Variants in PPTC7 observed in about 807,000 individuals in gnomAD.
PPTC7 encodes the protein protein phosphatase targeting COQ7, also known as protein phosphatase PTC7 homolog.
A neutral mutation model predicts 30.8 loss-of-function variants in PPTC7; 6 were observed. That is an observed-to-expected ratio of 0.19 (90% confidence interval 0.11 to 0.38). The LOEUF is 0.38. PPTC7 is among the 10% of genes least tolerant of loss of function. The probability of loss-of-function intolerance (pLI) is 1.00; values close to 1 mark genes in which losing one functional copy is unlikely to be tolerated. For missense variants in PPTC7, 218 were observed against 404.8 expected (o/e 0.54, Z 3.96); for synonymous variants, 163 against 168.1 (o/e 0.97, Z 0.23).
At chr12:110,575,607 CAA>C (rs55831249) in intron 1 of PPTC7, among the ~76,000 whole-genome samples, 3,600 of 25,784 alleles carry the variant, frequency 0.14, 12 homozygotes, top group Middle Eastern at 0.18. Flanking sequence ...AACCCCACCT[CAA>C]AAAAAAAAAA....
rs560773522 is a variant in PPTC7, at chr12:110,580,917, A to C, written c.223+1892T>G. Among the ~76,000 whole-genome samples, 3 of 151,900 alleles carry C rather than the reference A, an allele frequency of 2.0e-5. No homozygotes were observed. The South Asian group carries it at 6.2e-4, about 32-fold the overall frequency. On this transcript the variant is annotated intron_variant, in intron 1 of 5. Coordinates refer to ENST00000354300, the MANE Select transcript of PPTC7 (RefSeq NM_139283.2). The stretch of plus-strand genomic sequence containing the variant: ...TAGGCATGCGCCATCACGCCCGGCT[A>C]ATTTTTGTATTTTTAGTAAAGACTG...
intron 1 of PPTC7, among the ~76,000 whole-genome samples, chr12:110,570,507 C>T (rs2135790493): frequency 4.7e-5 from 1 of 21,278 alleles, no homozygotes; most frequent in South Asian, 9.5e-4. Context: ...ATGCCTCTTG[C>T]AGTTGAGACA....
intron 3 of PPTC7, among the ~76,000 whole-genome samples, chr12:110,543,448 G>A (rs1350052043): frequency 2.7e-5 from 4 of 150,796 alleles, no homozygotes; most frequent in African/African-American, 9.7e-5. Context: ...AAAAAAAAAA[G>A]GGAAAAAGAC....
At chr12:110,565,518 G>A (rs2064476644) in intron 1 of PPTC7, among the ~76,000 whole-genome samples, 1 of 152,202 alleles carries the variant, frequency 6.6e-6, no homozygotes. Flanking sequence ...GCCTCCCAAA[G>A]TGCTGGGATT....
At chr12:110,563,043 T>C (rs1418646127) in intron 1 of PPTC7, among the ~76,000 whole-genome samples, 7 of 130,980 alleles carry the variant, frequency 5.3e-5, no homozygotes, top group Non-Finnish European at 9.2e-5. Flanking sequence ...TGCCTGAACC[T>C]GGGAGGCAGA....
At position 110,535,424 on chromosome 12, in the gene PPTC7, A is replaced by T. The variant is rs1159777118; in HGVS notation, c.*1613T>A. The stretch of plus-strand genomic sequence containing the variant: ...GCATTGAAATATAGTAATGACATGT[A>T]CATGGTACATGTTAAACAATTTTAA... On this transcript the variant is annotated 3_prime_UTR_variant, in exon 6 of 6. Transcript: ENST00000354300. The T allele has an allele frequency of 6.5e-6, 1 of 152,676 alleles. No individual in the cohort carries two copies. 9.5% of individuals were successfully genotyped at this position (152,676 alleles called of 1,614,324 possible). A position where few individuals can be genotyped will look rare whatever the true frequency, so the allele number is the denominator to read the frequency against.
intron 1 of PPTC7, among the ~76,000 whole-genome samples, chr12:110,582,212 C>G (rs2064643203): frequency 6.6e-6 from 1 of 152,202 alleles, no homozygotes; most frequent in Non-Finnish European, 1.5e-5. Context: ...TGGACAAGAT[C>G]AATTTGGGAG....
At chr12:110,562,834 G>A (rs1235007967) in intron 1 of PPTC7, among the ~76,000 whole-genome samples, 1 of 150,720 alleles carries the variant, frequency 6.6e-6, no homozygotes, top group Non-Finnish European at 1.5e-5. Context: ...GAAGAAAGAT[G>A]TTTCTGGCCA....
At chr12:110,565,737 A>T (rs752447887) in intron 1 of PPTC7, among the ~76,000 whole-genome samples, 20 of 152,238 alleles carry the variant, frequency 1.3e-4, no homozygotes, top group Non-Finnish European at 2.1e-4. Context: ...CTAAAGATTT[A>T]TATGTAATAA....
chr12:110,557,060 C>T (rs932625615), intron 1 of PPTC7, among the ~76,000 whole-genome samples: 7 of 152,020 alleles, frequency 4.6e-5, no homozygotes, highest in African/African-American at 9.7e-5. Context: ...AGGGCAGTAG[C>T]GAAAGTTGTA....
chr12:110,556,625 C>T (rs1204192467), intron 1 of PPTC7, among the ~76,000 whole-genome samples: 1 of 152,042 alleles, frequency 6.6e-6, no homozygotes, highest in East Asian at 1.9e-4. Flanking sequence ...GCTTAAGATC[C>T]CAAAGATGTC....
intron 1 of PPTC7, among the ~76,000 whole-genome samples, chr12:110,558,132 T>C (rs1443888149): frequency 6.6e-6 from 1 of 152,196 alleles, no homozygotes; most frequent in Admixed American, 6.5e-5. Context: ...GGCAAGGGTG[T>C]GTAAATGCCT....
intron 1 of PPTC7, among the ~76,000 whole-genome samples, chr12:110,573,375 T>C (rs894524472): frequency 2.0e-5 from 3 of 152,198 alleles, no homozygotes; most frequent in Non-Finnish European, 4.4e-5. Flanking sequence ...GGGCTATACA[T>C]GCAGGAGAAT....
intron 1 of PPTC7, among the ~76,000 whole-genome samples, chr12:110,576,883 A>C (rs920224558): frequency 2.0e-5 from 3 of 152,198 alleles, no homozygotes; most frequent in African/African-American, 7.2e-5. Context: ...AATTCACTCA[A>C]GGGGCTGGGC....
At position 110,535,610 on chromosome 12, in the gene PPTC7, T is replaced by G. The variant is rs1039830414; in HGVS notation, c.*1427A>C. On this transcript the variant is annotated 3_prime_UTR_variant, in exon 6 of 6. Coordinates refer to ENST00000354300, the MANE Select transcript of PPTC7 (RefSeq NM_139283.2). ...TTCTATATTCTCAAGTAGATTCTCA[T>G]CAGGTTTAATTGCATTCTCATCTAT... 1 of 152,606 alleles carries G rather than the reference T, an allele frequency of 6.6e-6. No homozygotes were observed. The highest frequency in any genetic ancestry group is 2.4e-5 in the African/African-American group (1 of 41,444). 9.5% of individuals were successfully genotyped at this position (152,606 alleles called of 1,614,324 possible). A position where few individuals can be genotyped will look rare whatever the true frequency, so the allele number is the denominator to read the frequency against.
chr12:110,539,991 A>C (rs1417678271), intron 3 of PPTC7, 46 bp from the exon 4 acceptor site: 17 of 1,583,696 alleles, frequency 1.1e-5, no homozygotes, highest in African/African-American at 2.7e-5. Flanking sequence ...GGCCCTTTAC[A>C]GATGAGTTGA....
At chr12:110,545,074 T>C (rs1263309205) in intron 3 of PPTC7, among the ~76,000 whole-genome samples, 2 of 151,960 alleles carry the variant, frequency 1.3e-5, no homozygotes, top group Non-Finnish European at 2.9e-5. Context: ...TGTGCCCACC[T>C]CAAGACCATT....
intron 1 of PPTC7, among the ~76,000 whole-genome samples, chr12:110,573,194 A>G (rs1048073672): frequency 2.6e-5 from 4 of 152,172 alleles, no homozygotes; most frequent in Non-Finnish European, 5.9e-5. Flanking sequence ...GGTCATCTTT[A>G]TATCAAAGGC....
Position 110,534,049 on chromosome 12 carries a change from T to C in PPTC7, c.*2988A>G, listed in dbSNP as rs1469454573. 1 of 152,074 alleles carries C rather than the reference T, an allele frequency of 6.6e-6. No homozygotes were observed. Among genetic ancestry groups the C allele is most frequent in the Non-Finnish European group, 1.5e-5 (1 of 68,022 alleles). The allele number at this position is 152,074 out of a possible 1,614,324, so 9.4% of individuals were successfully genotyped here. ...AGCAAGTACAGTAACTCAGGACAAA[T>C]AACTTGTTCCCCCTGCATCCCATTT... On this transcript the variant is annotated 3_prime_UTR_variant, in exon 6 of 6. Transcript: ENST00000354300.
Sources: allele counts gnomAD v4.1 joint callset (sites outside exome capture counted in the v4.1 genomes callset), GRCh38; gene constraint gnomAD v4.1.1; transcripts MANE v1.5; gene names NCBI Gene and HGNC (gene_info 2026-07-23, HGNC 2026-07-21).